The following ANK3 variants were observed in gnomAD, a reference collection of about 807,000 sequenced individuals.
ANK3 encodes ankyrin-3.
ANK3 carries 57 observed loss-of-function variants against 370.9 expected under a neutral mutation model. The observed-to-expected ratio is 0.15, with a 90% confidence interval of 0.12 to 0.19. The LOEUF is 0.19. Among genes scored for constraint, ANK3 ranks in the 10% least tolerant of loss-of-function variants. The pLI, the probability that ANK3 is intolerant of heterozygous loss-of-function variation, is 1.00. For synonymous variants in ANK3, 1,929 were observed against 1,946.3 expected (o/e 0.99, Z 0.23); for missense variants, 4,439 against 5,302.1 (o/e 0.84, Z 5.06).
intron 1 of ANK3, among the ~76,000 whole-genome samples, chr10:60,352,273 C>T (rs1008405180): frequency 2.6e-5 from 4 of 152,160 alleles, no homozygotes; most frequent in Non-Finnish European, 5.9e-5. Flanking sequence ...TCCATCCAGC[C>T]TGGGTGACAC....
chr10:60,572,423 C>A (rs1310906683), intron 2 of ANK3: 7 of 1,523,530 alleles, frequency 4.6e-6, no homozygotes, highest in Non-Finnish European at 6.1e-6. Flanking sequence ...TCCCCAGAGC[C>A]AGAGAACAAT....
At chr10:60,664,101 G>A (rs990470197) in intron 1 of ANK3, among the ~76,000 whole-genome samples, 1 of 152,198 alleles carries the variant, frequency 6.6e-6, no homozygotes, top group Non-Finnish European at 1.5e-5. Flanking sequence ...CTGTCAGGGC[G>A]CAAAGCAGAA....
At chr10:60,257,961 T>G (rs2097760727) in intron 7 of ANK3, among the ~76,000 whole-genome samples, 1 of 152,164 alleles carries the variant, frequency 6.6e-6, no homozygotes, top group Non-Finnish European at 1.5e-5. Context: ...GAAGATTAGA[T>G]TAGGTGGTCC....
intron 1 of ANK3, among the ~76,000 whole-genome samples, chr10:60,632,613 A>G (rs2078499617): frequency 1.3e-5 from 2 of 152,128 alleles, no homozygotes; most frequent in African/African-American, 4.8e-5. Context: ...TTAGCTGGGC[A>G]TGGTGGTTCA....
intron 7 of ANK3, among the ~76,000 whole-genome samples, chr10:60,236,568 A>C (rs367619393): frequency 2.6e-5 from 4 of 152,148 alleles, no homozygotes; most frequent in African/African-American, 9.7e-5. Flanking sequence ...GTTGTTTAAC[A>C]TGTCCTTTTC....
intron 1 of ANK3, among the ~76,000 whole-genome samples, chr10:60,630,148 A>T (rs1024135252): frequency 6.6e-6 from 1 of 152,144 alleles, no homozygotes; most frequent in East Asian, 1.9e-4. Context: ...TCTGAGTGTC[A>T]GTTTCTTATC....
chr10:60,581,011 A>G (rs540317568), intron 2 of ANK3, among the ~76,000 whole-genome samples: 19 of 152,372 alleles, frequency 1.2e-4, no homozygotes, highest in African/African-American at 4.6e-4. Flanking sequence ...GAAACTTAAT[A>G]AACATGCATA....
At chr10:60,522,837 A>T (rs777718183) in intron 2 of ANK3, among the ~76,000 whole-genome samples, 6 of 152,264 alleles carry the variant, frequency 3.9e-5, no homozygotes, top group African/African-American at 4.8e-5. Flanking sequence ...TTAATGAGGA[A>T]ACCAGTAAGA....
At chr10:60,656,387 C>T (rs2133367516) in intron 1 of ANK3, among the ~76,000 whole-genome samples, 1 of 151,900 alleles carries the variant, frequency 6.6e-6, no homozygotes, top group Admixed American at 6.6e-5. Flanking sequence ...TAATCTGTGT[C>T]CTCTCTATTT....
In ANK3 at chr10:60,062,112, C is replaced by T. The variant is rs569839709; in HGVS notation, c.12595+999G>A. On this transcript the variant is annotated intron_variant, in intron 40 of 43. Coordinates refer to ENST00000280772, the MANE Select transcript of ANK3 (RefSeq NM_020987.5). ...GAAACCCCCATCTTTACTAAAAATA[C>T]AAAAAATTTGCTGGGCACGGTGGTG... The T allele has an allele frequency of 2.0e-5, 3 of 152,124 alleles. No homozygotes were observed. The East Asian group carries it at 5.8e-4, about 30-fold the overall frequency. The allele number at this position is 152,124 out of a possible 1,614,324, so 9.4% of individuals were successfully genotyped here. A position where few individuals can be genotyped will look rare whatever the true frequency, so the allele number is the denominator to read the frequency against.
chr10:60,147,746 C>G (rs1467617787), intron 23 of ANK3, among the ~76,000 whole-genome samples: 1 of 152,158 alleles, frequency 6.6e-6, no homozygotes, highest in Non-Finnish European at 1.5e-5. Context: ...AGTACTGGCT[C>G]CCCCTTTGCC....
intron 2 of ANK3, chr10:60,507,660 C>G (rs1030620846): frequency 6.6e-6 from 1 of 151,744 alleles, no homozygotes; most frequent in African/African-American, 2.4e-5. Flanking sequence ...AAGTAATAAC[C>G]ATTCTCAATG....
intron 28 of ANK3, among the ~76,000 whole-genome samples, chr10:60,102,907 C>G (rs1049485147): frequency 1.3e-5 from 2 of 151,994 alleles, no homozygotes; most frequent in Non-Finnish European, 2.9e-5. Context: ...ACAGATAAAG[C>G]TTAATTGTTA....
intron 1 of ANK3, among the ~76,000 whole-genome samples, chr10:60,715,053 T>C (rs1270987677): frequency 1.3e-5 from 2 of 152,138 alleles, no homozygotes; most frequent in Non-Finnish European, 2.9e-5. Context: ...CAAGGTGTTA[T>C]TAACAGGGGA....
intron 1 of ANK3, among the ~76,000 whole-genome samples, chr10:60,727,572 A>T (rs1374347470): frequency 6.6e-6 from 1 of 152,210 alleles, no homozygotes; most frequent in Non-Finnish European, 1.5e-5. Context: ...ACCTCAATAA[A>T]GGTGATAATT....
chr10:60,583,054 T>G (rs2077777245), intron 2 of ANK3, among the ~76,000 whole-genome samples: 1 of 152,244 alleles, frequency 6.6e-6, no homozygotes, highest in South Asian at 2.1e-4. Context: ...AAGAGATATC[T>G]GCAATCCTAG....
chr10:60,700,591 T>C (rs942472689), intron 1 of ANK3, among the ~76,000 whole-genome samples: 24 of 152,148 alleles, frequency 1.6e-4, no homozygotes, highest in African/African-American at 5.8e-4. Context: ...GTCTCTAATA[T>C]TAAAACAGTC....
intron 1 of ANK3, among the ~76,000 whole-genome samples, chr10:60,314,724 C>T (rs1183307190): frequency 6.6e-6 from 1 of 152,130 alleles, no homozygotes; most frequent in African/African-American, 2.4e-5. Context: ...TCGAGGAGGA[C>T]AGCACACACC....
At chr10:60,510,076 C>A (rs2076042008) in intron 2 of ANK3, among the ~76,000 whole-genome samples, 1 of 151,988 alleles carries the variant, frequency 6.6e-6, no homozygotes, top group East Asian at 1.9e-4. Flanking sequence ...GACTTAAAAA[C>A]CATATTATTT....
Sources: allele counts gnomAD v4.1 joint callset (sites outside exome capture counted in the v4.1 genomes callset), GRCh38; gene constraint gnomAD v4.1.1; transcripts MANE v1.5; gene names NCBI Gene and HGNC (gene_info 2026-07-23, HGNC 2026-07-21).